The following MCHR2 variants were observed in gnomAD, a reference collection of about 807,000 sequenced individuals.
MCHR2 encodes melanin concentrating hormone receptor 2.
In MCHR2, 15 loss-of-function variants were observed where a neutral mutation model predicts 24.8. The observed-to-expected ratio is 0.60, with a 90% CI of 0.40 to 0.93. The LOEUF is 0.93. Among genes scored for constraint, MCHR2 ranks in the 40% least tolerant of loss-of-function variants. The pLI is 0.00. For synonymous variants in MCHR2, 151 were observed against 147.6 expected, an observed-to-expected ratio of 1.02 and a Z score of -0.17; for missense variants, 386 against 408.7, an observed-to-expected ratio of 0.94 and a Z score of 0.48.
intron 1 of MCHR2, among the ~76,000 whole-genome samples, chr6:99,973,376 G>C (rs532247434): frequency 1.3e-5 from 2 of 151,912 alleles, no homozygotes; most frequent in African/African-American, 4.8e-5. Flanking sequence ...TCAGAGACTA[G>C]GATTGCAACC....
In MCHR2 at chr6:99,934,386, G is replaced by A. The variant is rs758828689; in HGVS notation, c.707+12C>T. 6 of 1,561,080 alleles carry A rather than the reference G, an allele frequency of 3.8e-6. No individual in the cohort carries two copies. In the Admixed American group the frequency reaches 1.0e-4, roughly 27 times the overall value. ...TTGTTCTTTTAACAAATAAAACAAG[G>A]CAAACACTTACCATCTGGCATCCTT... On this transcript the variant is annotated intron_variant, in intron 5 of 5. Coordinates refer to ENST00000281806, the MANE Select transcript of MCHR2 (RefSeq NM_001040179.2).
At chr6:99,936,879 AT>A (rs1269535739) in intron 4 of MCHR2, among the ~76,000 whole-genome samples, 5 of 151,588 alleles carry the variant, frequency 3.3e-5, no homozygotes, top group African/African-American at 9.7e-5. Context: ...GTACGTGTGT[AT>A]TTTTTTAATC....
At chr6:99,955,313 C>T (rs1387391063) in intron 2 of MCHR2, among the ~76,000 whole-genome samples, 3 of 152,140 alleles carry the variant, frequency 2.0e-5, no homozygotes, top group Non-Finnish European at 4.4e-5. Context: ...TATTCTGTCT[C>T]TCTACTTGAG....
intron 4 of MCHR2, among the ~76,000 whole-genome samples, chr6:99,938,206 C>T (rs1774703331): frequency 6.6e-6 from 1 of 151,802 alleles, no homozygotes; most frequent in African/African-American, 2.4e-5. Context: ...TTTATTTCTG[C>T]TCTAATCTTC....
At position 99,919,354 on chromosome 6, in the gene MCHR2, T is replaced by A. The variant is rs2114475812; in HGVS notation, c.*1586A>T. Among the ~76,000 whole-genome samples, 1 of 152,334 alleles carries A rather than the reference T, an allele frequency of 6.6e-6. No individual in the cohort carries two copies. The highest frequency in any genetic ancestry group is 2.4e-5 in the African/African-American group (1 of 41,584). On this transcript the variant is annotated 3_prime_UTR_variant, in exon 6 of 6. Transcript: ENST00000281806. ...GGGTTAAAAATCACGTCTGGGTTGA[T>A]TCAAATACAAGTTTATCCAAACACA...
intron 1 of MCHR2, among the ~76,000 whole-genome samples, chr6:99,969,283 G>A (rs541719629): frequency 3.3e-5 from 5 of 151,980 alleles, no homozygotes; most frequent in South Asian, 4.2e-4. Flanking sequence ...AGACCAGCCT[G>A]GCCAACATGG....
chr6:99,947,982 T>C lies in MCHR2; in HGVS notation c.183-11A>G. 2 of 1,608,314 alleles carry C rather than the reference T, an allele frequency of 1.2e-6. No individual in the cohort carries two copies. The highest frequency in any genetic ancestry group is 2.2e-5 in the East Asian group (1 of 44,856). On this transcript the variant is annotated splice_polypyrimidine_tract_variant and intron_variant, in intron 2 of 5. Coordinates refer to ENST00000281806, the MANE Select transcript of MCHR2 (RefSeq NM_001040179.2). The stretch of plus-strand genomic sequence containing the variant: ...GTTTTTTTCCTGGATCTGAAAGAGA[T>C]AGAGGAAACTGAGGATTGACATTGA...
chr6:99,934,481 G>T lies in MCHR2; in HGVS notation c.624C>A (p.Phe208Leu). 6.3e-7 allele frequency: 1 copy of T among 1,584,692 alleles called. No homozygotes were observed. The highest frequency in any genetic ancestry group is 2.3e-5 in the East Asian group (1 of 43,774). The change falls in exon 5 of 6, where the codon TTC (phenylalanine) becomes TTA (leucine). Residue 208 changes from phenylalanine to leucine, a missense_variant. Physicochemically the swap from Phe to Leu is conservative, Grantham distance 22. Coordinates refer to ENST00000281806, the MANE Select transcript of MCHR2 (RefSeq NM_001040179.2). Reference sequence around the variant, plus strand: ...AGCACACCAAAATCAAGGGTAGAGGGAAAAAAAAAGTTGTTATCGTCAAAT... The same window carrying T: ...AGCACACCAAAATCAAGGGTAGAGGTAAAAAAAAAGTTGTTATCGTCAAAT... ...TLYLTITTFFFPLPLILVCYI... is the reference protein window; with the variant it reads ...TLYLTITTFFLPLPLILVCYI...
intron 5 of MCHR2, among the ~76,000 whole-genome samples, chr6:99,922,659 C>T (rs1380075136): frequency 6.6e-6 from 1 of 152,100 alleles, no homozygotes; most frequent in African/African-American, 2.4e-5. Context: ...TTTTCCCCAG[C>T]GTATATGTTC....
At chr6:99,969,868 A>T (rs1775368150) in intron 1 of MCHR2, among the ~76,000 whole-genome samples, 1 of 151,350 alleles carries the variant, frequency 6.6e-6, no homozygotes, top group Admixed American at 6.6e-5. Context: ...AGTTTCATCC[A>T]TGTCCCTACA....
chr6:99,929,260 A>G (rs1324086809), intron 5 of MCHR2, among the ~76,000 whole-genome samples: 4 of 152,136 alleles, frequency 2.6e-5, no homozygotes, highest in Non-Finnish European at 5.9e-5. Context: ...ACTTCCAAGT[A>G]TGTGGTCAAT....
intron 2 of MCHR2, among the ~76,000 whole-genome samples, chr6:99,954,045 A>C (rs1775014516): frequency 6.6e-6 from 1 of 152,076 alleles, no homozygotes; most frequent in Admixed American, 6.6e-5. Flanking sequence ...GACCATCCTG[A>C]GGGCTCCTCT....
intron 1 of MCHR2, among the ~76,000 whole-genome samples, chr6:99,992,775 A>G (rs1201725423): frequency 6.6e-6 from 1 of 152,292 alleles, no homozygotes; most frequent in East Asian, 1.9e-4. Flanking sequence ...TGTCATAGCC[A>G]TAAGACAGTA....
At chr6:99,978,199 T>C (rs1222968632) in intron 1 of MCHR2, among the ~76,000 whole-genome samples, 1 of 152,200 alleles carries the variant, frequency 6.6e-6, no homozygotes, top group African/African-American at 2.4e-5. Flanking sequence ...ACCTCTTACT[T>C]ACCTGACATT....
intron 1 of MCHR2, among the ~76,000 whole-genome samples, chr6:99,984,654 A>G (rs908931088): frequency 1.3e-4 from 20 of 152,072 alleles, no homozygotes; most frequent in South Asian, 6.2e-4. Flanking sequence ...ACCTCAAAAA[A>G]CTAGGCCTAG....
rs148898469 is a variant in MCHR2, at chr6:99,971,234, A to T, written c.-27-15060T>A. On this transcript the variant is annotated intron_variant, in intron 1 of 5. Coordinates refer to ENST00000281806, the MANE Select transcript of MCHR2 (RefSeq NM_001040179.2). Reference sequence around the variant, plus strand: ...CCATTTCTTTGCATCCTCTTATTTCATTGAGCAGTGGTTTGTAGTTCTCCT... The same window carrying T: ...CCATTTCTTTGCATCCTCTTATTTCTTTGAGCAGTGGTTTGTAGTTCTCCT... Among the ~76,000 whole-genome samples, 86 of 151,960 alleles carry T rather than the reference A, an allele frequency of 5.7e-4. 1 individual carries two copies. The East Asian group carries it at 0.015, about 27-fold the overall frequency.
At chr6:99,932,647 T>C (rs1774571100) in intron 5 of MCHR2, among the ~76,000 whole-genome samples, 1 of 152,164 alleles carries the variant, frequency 6.6e-6, no homozygotes, top group Non-Finnish European at 1.5e-5. Context: ...AAGTACAGTC[T>C]AATCATGATA....
At chr6:99,954,489 G>T (rs1775022686) in intron 2 of MCHR2, among the ~76,000 whole-genome samples, 2 of 152,076 alleles carry the variant, frequency 1.3e-5, no homozygotes, top group Non-Finnish European at 2.9e-5. Flanking sequence ...GTGATGGGTT[G>T]CAGTCAAAAT....
intron 4 of MCHR2, among the ~76,000 whole-genome samples, chr6:99,939,399 A>G (rs1774729590): frequency 6.6e-6 from 1 of 152,108 alleles, no homozygotes; most frequent in Non-Finnish European, 1.5e-5. Context: ...ATATATAACA[A>G]GTTATTCTAA....
Sources: allele counts gnomAD v4.1 joint callset (sites outside exome capture counted in the v4.1 genomes callset), GRCh38; gene constraint gnomAD v4.1.1; transcripts MANE v1.5; gene names NCBI Gene and HGNC (gene_info 2026-07-23, HGNC 2026-07-21).